NCKIPSD: variants seen among roughly 807,000 people sequenced by gnomAD.
NCKIPSD encodes NCK-interacting protein with SH3 domain.
In NCKIPSD, 48 loss-of-function variants were observed where a neutral mutation model predicts 73.4. The observed-to-expected ratio is 0.65, with a 90% CI of 0.52 to 0.83. The LOEUF is 0.83. Among genes scored for constraint, NCKIPSD ranks in the 40% least tolerant of loss-of-function variants. NCKIPSD has a pLI of 0.00. For missense variants in NCKIPSD, 884 were observed against 970.2 expected, an observed-to-expected ratio of 0.91 and a Z score of 1.18; for synonymous variants, 422 against 403.6, an observed-to-expected ratio of 1.05 and a Z score of -0.54.
At chr3:48,683,336 T>G (rs1014241797) in intron 1 of NCKIPSD, among the ~76,000 whole-genome samples, 1 of 152,208 alleles carries the variant, frequency 6.6e-6, no homozygotes, top group Admixed American at 6.5e-5. Flanking sequence ...GCTCCCAGCT[T>G]GCAGCCAGGA....
In NCKIPSD at chr3:48,674,019, T is replaced by A; in HGVS notation, c.*525A>T. ...ATGGCCTGTCTCCAAGATCCCGCTT[T>A]CAAAGCAGCAGCTTGGCCAAGGCCT... On this transcript the variant is annotated 3_prime_UTR_variant, in exon 13 of 13. Transcript: ENST00000294129. 1 of 1,071,714 alleles carries A rather than the reference T, an allele frequency of 9.3e-7. No homozygotes were observed. Among genetic ancestry groups the A allele is most frequent in the Non-Finnish European group, 1.1e-6 (1 of 882,522 alleles). 66.4% of individuals were successfully genotyped at this position (1,071,714 alleles called of 1,614,324 possible). A position where few individuals can be genotyped will look rare whatever the true frequency, so the allele number is the denominator to read the frequency against.
At chr3:48,679,016 C>A (rs1264496962) in intron 10 of NCKIPSD, 39 bp downstream of exon 10, 4 of 1,613,978 alleles carry the variant, frequency 2.5e-6, no homozygotes, top group Non-Finnish European at 3.4e-6. Flanking sequence ...CTGAGAGCCA[C>A]CATGTGCTCA....
At chr3:48,680,427 G>A (rs534494793) in intron 5 of NCKIPSD, among the ~76,000 whole-genome samples, 198 bp from the exon 6 acceptor site, 1 of 152,210 alleles carries the variant, frequency 6.6e-6, no homozygotes, top group South Asian at 2.1e-4. Context: ...TCATCTGTAG[G>A]GGGTTTTCAA....
Position 48,674,730 on chromosome 3 carries a change from G to A in NCKIPSD, c.1983C>T (p.Leu661=). ...SPGDKLRMEY[L]SLMHAIVRTT... The stretch of plus-strand genomic sequence containing the variant: ...TGCGGACTATAGCATGCATCAGGGA[G>A]AGGTACTCCATGCGCAGCTGTGGGA... The change falls in exon 13 of 13, where the codon CTC becomes CTT. Residue 661 remains leucine (L), a synonymous_variant. Coordinates refer to ENST00000294129, the MANE Select transcript of NCKIPSD (RefSeq NM_016453.4). 1 of 1,613,968 alleles carries A rather than the reference G, an allele frequency of 6.2e-7. No homozygotes were observed. The highest frequency in any genetic ancestry group is 8.5e-7 in the Non-Finnish European group (1 of 1,179,962).
chr3:48,676,381 C>T (rs2077257468), intron 12 of NCKIPSD, among the ~76,000 whole-genome samples: 1 of 152,202 alleles, frequency 6.6e-6, no homozygotes, highest in African/African-American at 2.4e-5. Flanking sequence ...ATCCACTTGA[C>T]TCCTGTGGTG....
intron 1 of NCKIPSD, among the ~76,000 whole-genome samples, chr3:48,684,032 A>G (rs75695992): frequency 6.6e-6 from 1 of 151,646 alleles, no homozygotes; most frequent in Non-Finnish European, 1.5e-5. Context: ...AGAGAGAGAG[A>G]AAGAAAGGAA....
In NCKIPSD at chr3:48,678,724, C is replaced by A. The variant is rs138069597; in HGVS notation, c.1805G>T (p.Arg602Leu). 1.4e-5 allele frequency: 23 copies of A among 1,613,194 alleles called. No individual in the cohort carries two copies. In the Middle Eastern group the frequency reaches 4.9e-4, roughly 35 times the overall value. Reference protein sequence around the residue: ...LLLNRGDDPVRIFKHEPQPPH... With the variant: ...LLLNRGDDPVLIFKHEPQPPH... Reference sequence around the variant, plus strand: ...TGGCTGTGGCTCATGTTTGAAGATGCGCACAGGGTCATCTAGGAGGCAGGG... The same window carrying A: ...TGGCTGTGGCTCATGTTTGAAGATGAGCACAGGGTCATCTAGGAGGCAGGG... The change falls in exon 12 of 13, where the codon CGC becomes CTC. Residue 602 changes from arginine to leucine, a missense_variant. Physicochemically the swap from Arg to Leu is moderately radical, Grantham distance 102 (BLOSUM62 -2). Transcript: ENST00000294129.
rs756956122 is a variant in NCKIPSD at position 48,681,462 on chromosome 3, G to A, written c.917C>T (p.Ala306Val). The change falls in exon 5 of 13, where the codon GCG becomes GTG. Residue 306 changes from alanine to valine, a missense_variant. Transcript: ENST00000294129. ...GGCCCCAATGGTCCTGGGCACAGCC[G>A]CCTCAGCTGCTGCCTTCTCCTCTGT... ...GTTEEKAAAE[A>V]AVPRTIGAEL... 3.7e-6 allele frequency: 6 copies of A among 1,614,014 alleles called. No individual in the cohort carries two copies. The African/African-American group carries it at 5.3e-5, about 14-fold the overall frequency.
At chr3:48,682,787 C>T in intron 2 of NCKIPSD, 116 bp downstream of exon 2, 1 of 1,430,228 alleles carries the variant, frequency 7.0e-7, no homozygotes, top group Non-Finnish European at 9.4e-7. Context: ...GCCATTCCCC[C>T]ACCACCCTTG....
At position 48,674,295 on chromosome 3, in the gene NCKIPSD, G is replaced by A; in HGVS notation, c.*249C>T. ...GGGGTGAAGAGGGGGGCATGCTGAAGAGGAAGCCTACCAGGGTATAGAGGG... is the reference window on the plus strand; with the variant it reads ...GGGGTGAAGAGGGGGGCATGCTGAAAAGGAAGCCTACCAGGGTATAGAGGG... On this transcript the variant is annotated 3_prime_UTR_variant, in exon 13 of 13. Coordinates refer to ENST00000294129, the MANE Select transcript of NCKIPSD (RefSeq NM_016453.4). The A allele has an allele frequency of 7.3e-7, 1 of 1,365,770 alleles. No individual in the cohort carries two copies. The highest frequency in any genetic ancestry group is 9.5e-7 in the Non-Finnish European group (1 of 1,054,488). 84.6% of individuals were successfully genotyped at this position (1,365,770 alleles called of 1,614,324 possible).
rs777475258 is a variant in NCKIPSD, at chr3:48,674,496, T to C, written c.*48A>G. On this transcript the variant is annotated 3_prime_UTR_variant, in exon 13 of 13. Transcript: ENST00000294129. Reference sequence around the variant, plus strand: ...ACATTCTTAGGGCCAAGCCCCTGAGTCCCCTGCACACTGACTGGAGCTGCA... The same window carrying C: ...ACATTCTTAGGGCCAAGCCCCTGAGCCCCCTGCACACTGACTGGAGCTGCA... The C allele has an allele frequency of 4.7e-5, 73 of 1,545,954 alleles. No homozygotes were observed. The highest frequency in any genetic ancestry group is 5.9e-5 in the Non-Finnish European group (67 of 1,144,330).
chr3:48,685,159 G>A (rs957885110), intron 1 of NCKIPSD, among the ~76,000 whole-genome samples: 1 of 138,252 alleles, frequency 7.2e-6, no homozygotes, highest in African/African-American at 2.7e-5. Flanking sequence ...TGGCTCCAAC[G>A]GGGGGCAAGG....
Position 48,679,170 on chromosome 3 carries a change from C to T in NCKIPSD, c.1584G>A (p.Thr528=), listed in dbSNP as rs772286444. ...TGTTCAGTAGGAACTGGGCGAAAGGCGTGCCCAGGTGCTCTGGGAGAGGGG... is the reference window on the plus strand; with the variant it reads ...TGTTCAGTAGGAACTGGGCGAAAGGTGTGCCCAGGTGCTCTGGGAGAGGGG... ...VPYAHYEHLG[T]PFAQFLLNIV... The change falls in exon 10 of 13, where the codon ACG becomes ACA. Residue 528 remains threonine (T), a synonymous_variant. Coordinates refer to ENST00000294129, the MANE Select transcript of NCKIPSD (RefSeq NM_016453.4). 7.4e-6 allele frequency: 12 copies of T among 1,613,892 alleles called. No individual in the cohort carries two copies. The highest frequency in any genetic ancestry group is 1.7e-5 in the Admixed American group (1 of 59,986).
In NCKIPSD at chr3:48,681,354, A is replaced by C; in HGVS notation, c.1025T>G (p.Ile342Ser). 2 of 1,611,642 alleles carry C rather than the reference A, an allele frequency of 1.2e-6. No individual in the cohort carries two copies. The highest frequency in any genetic ancestry group is 1.7e-6 in the Non-Finnish European group (2 of 1,179,062). Reference sequence around the variant, plus strand: ...TGAGCTGGCCGGCACCGAGGCCTGGATGTGACCCACTATGATGCCGATGGC... The same window carrying C: ...TGAGCTGGCCGGCACCGAGGCCTGGCTGTGACCCACTATGATGCCGATGGC... ...RVAIGIIVGHIQASVPASSPV... is the reference protein window; with the variant it reads ...RVAIGIIVGHSQASVPASSPV... The change falls in exon 5 of 13, where the codon ATC becomes AGC. Residue 342 changes from isoleucine to serine, a missense_variant. Transcript: ENST00000294129.
chr3:48,685,195 G>GAGGAAGGA (rs1268263255), intron 1 of NCKIPSD, among the ~76,000 whole-genome samples: 1 of 2,700 alleles, frequency 3.7e-4, no homozygotes, highest in Non-Finnish European at 3.6e-3. Flanking sequence ...AGAAGGAAGG[G>GAGGAAGGA]AGGGAGGGAG....
intron 1 of NCKIPSD, among the ~76,000 whole-genome samples, chr3:48,685,222 G>A (rs1231272568): frequency 7.4e-6 from 1 of 134,768 alleles, no homozygotes; most frequent in Non-Finnish European, 1.6e-5. Flanking sequence ...AGGGAGGGAG[G>A]GAGGGAGGTT....
At chr3:48,676,831 T>A (rs2077262749) in intron 12 of NCKIPSD, among the ~76,000 whole-genome samples, 1 of 149,142 alleles carries the variant, frequency 6.7e-6, no homozygotes, top group Admixed American at 6.7e-5. Context: ...AGTGCAGTGG[T>A]GTGATCTTGG....
chr3:48,674,720 G>A lies in NCKIPSD; in HGVS notation c.1993C>T (p.His665Tyr), dbSNP rs761499319. ...TAGGGTGTGGTGCGGACTATAGCAT[G>A]CATCAGGGAGAGGTACTCCATGCGC... ...KLRMEYLSLM[H>Y]AIVRTTPYLQ... Residue 665 changes from histidine to tyrosine, a missense_variant, in exon 13 of 13, where the codon CAT becomes TAT. Transcript: ENST00000294129. 20 of 1,613,910 alleles carry A rather than the reference G, an allele frequency of 1.2e-5. No homozygotes were observed. The East Asian group carries it at 4.0e-4, about 32-fold the overall frequency.
At position 48,681,415 on chromosome 3, in the gene NCKIPSD, T is replaced by C; in HGVS notation, c.964A>G (p.Arg322Gly). ...IGAELMELVR[R>G]NTGLSHELCR... is the part of the protein sequence containing the mutation. Reference sequence around the variant, plus strand: ...AATTCGTGGCTCAGGCCAGTGTTTCTCCGCACCAGCTCCATCAGCTCGGCC... The same window carrying C: ...AATTCGTGGCTCAGGCCAGTGTTTCCCCGCACCAGCTCCATCAGCTCGGCC... Residue 322 changes from arginine to glycine, a missense_variant, in exon 5 of 13, where the codon AGA becomes GGA. Coordinates refer to ENST00000294129, the MANE Select transcript of NCKIPSD (RefSeq NM_016453.4). The C allele has an allele frequency of 6.2e-7, 1 of 1,613,762 alleles. No homozygotes were observed. The highest frequency in any genetic ancestry group is 8.5e-7 in the Non-Finnish European group (1 of 1,179,818).
Sources: gnomAD v4.1 joint callset for allele counts (sites outside exome capture counted in the v4.1 genomes callset) on GRCh38, gnomAD v4.1.1 for gene constraint, MANE v1.5 for transcripts, NCBI Gene and HGNC (gene_info 2026-07-23, HGNC 2026-07-21) for gene names.